SPRED2: variants seen among roughly 807,000 people sequenced by gnomAD.
The protein encoded by SPRED2 is sprouty-related, EVH1 domain-containing protein 2.
In SPRED2, 47 loss-of-function variants were observed where a neutral mutation model predicts 43.0. That is an observed-to-expected ratio of 1.09 (90% CI 0.87 to 1.40). SPRED2 has a LOEUF of 1.40. Among genes scored for constraint, SPRED2 ranks in the 40% most tolerant of loss-of-function variants. The pLI is 0.00. For synonymous variants in SPRED2, 225 were observed against 225.7 expected (o/e 1.00, Z 0.03); for missense variants, 561 against 586.4 (o/e 0.96, Z 0.45).
chr2:65,418,526 A>ATTTC (rs1215079630), intron 1 of SPRED2, among the ~76,000 whole-genome samples: 2 of 151,390 alleles, frequency 1.3e-5, no homozygotes, highest in Admixed American at 6.6e-5. Flanking sequence ...AGTGATAAAT[A>ATTTC]TTTCTTTCTT....
intron 2 of SPRED2, among the ~76,000 whole-genome samples, chr2:65,342,802 A>T (rs1674232990): frequency 6.6e-6 from 1 of 152,194 alleles, no homozygotes; most frequent in African/African-American, 2.4e-5. Context: ...AGGCAAAATA[A>T]ATAAGATACA....
At chr2:65,428,243 T>C (rs904884134) in intron 1 of SPRED2, among the ~76,000 whole-genome samples, 27 of 152,214 alleles carry the variant, frequency 1.8e-4, no homozygotes, top group African/African-American at 5.1e-4. Flanking sequence ...TCACAGCAGC[T>C]CCACAAAATA....
At chr2:65,341,394 G>T (rs1318516792) in intron 2 of SPRED2, among the ~76,000 whole-genome samples, 1 of 152,094 alleles carries the variant, frequency 6.6e-6, no homozygotes, top group Non-Finnish European at 1.5e-5. Flanking sequence ...ACACTTTTAG[G>T]ATAGTGCAAT....
intron 1 of SPRED2, among the ~76,000 whole-genome samples, chr2:65,390,289 C>A (rs1223635474): frequency 6.6e-6 from 1 of 152,192 alleles, no homozygotes; most frequent in Non-Finnish European, 1.5e-5. Context: ...AACTCTATCA[C>A]CAGAGAACAG....
intron 1 of SPRED2, among the ~76,000 whole-genome samples, chr2:65,373,403 A>T (rs970220099): frequency 6.6e-6 from 1 of 152,230 alleles, no homozygotes; most frequent in Non-Finnish European, 1.5e-5. Flanking sequence ...TATGTCCCTG[A>T]TGCTGGATCT....
At chr2:65,350,695 G>C (rs58440325) in intron 1 of SPRED2, among the ~76,000 whole-genome samples, 5,187 of 152,234 alleles carry the variant, frequency 0.034, 302 homozygotes, top group African/African-American at 0.12. Flanking sequence ...GGAAGGCAGA[G>C]AAAAAAATCT....
At chr2:65,406,631 T>C (rs977864351) in intron 1 of SPRED2, among the ~76,000 whole-genome samples, 3 of 152,098 alleles carry the variant, frequency 2.0e-5, no homozygotes, top group East Asian at 1.9e-4. Context: ...AAATGGAAGG[T>C]TGGGGGCAGA....
intron 4 of SPRED2, among the ~76,000 whole-genome samples, chr2:65,331,318 A>C (rs1306504258): frequency 6.6e-6 from 1 of 152,256 alleles, no homozygotes; most frequent in Non-Finnish European, 1.5e-5. Flanking sequence ...TGCTCTAAGC[A>C]CACAGCAGGC....
chr2:65,322,270 C>A (rs10180244), intron 4 of SPRED2, among the ~76,000 whole-genome samples: 8,054 of 35,028 alleles, frequency 0.23, 639 homozygotes, highest in African/African-American at 0.25. Context: ...CTCTCTCTCT[C>A]TATATATATA....
intron 1 of SPRED2, among the ~76,000 whole-genome samples, chr2:65,387,567 G>A (rs1675529312): frequency 6.6e-6 from 1 of 152,010 alleles, no homozygotes; most frequent in Non-Finnish European, 1.5e-5. Context: ...AAGTAACTAG[G>A]GCCTACATTG....
In SPRED2 at chr2:65,432,049, C is replaced by T; in HGVS notation, c.-62G>A. The T allele has an allele frequency of 6.2e-7, 1 of 1,606,230 alleles. No homozygotes were observed. The highest frequency in any genetic ancestry group is 8.5e-7 in the Non-Finnish European group (1 of 1,174,778). ...AGCTTTGCTCCCTTCATCTTCCTGT[C>T]CGCTCGCCCCCCTTCTTCACATCTC... On this transcript the variant is annotated 5_prime_UTR_variant, in exon 1 of 6. Coordinates refer to ENST00000356388, the MANE Select transcript of SPRED2 (RefSeq NM_181784.3).
At chr2:65,395,794 C>G (rs1250140200) in intron 1 of SPRED2, among the ~76,000 whole-genome samples, 2 of 152,132 alleles carry the variant, frequency 1.3e-5, no homozygotes, top group African/African-American at 4.8e-5. Flanking sequence ...GCAGTTACTG[C>G]TGGAAGTCCT....
Position 65,312,964 on chromosome 2 carries a change from A to G in SPRED2, c.*537T>C. On this transcript the variant is annotated 3_prime_UTR_variant, in exon 6 of 6. Coordinates refer to ENST00000356388, the MANE Select transcript of SPRED2 (RefSeq NM_181784.3). The stretch of plus-strand genomic sequence containing the variant: ...TTGTTAACTAGCTCACCTCCTATAC[A>G]TAATAACTGACTGCAGGCTGAGATA... 2 of 985,812 alleles carry G rather than the reference A, an allele frequency of 2.0e-6. No individual in the cohort carries two copies. The highest frequency in any genetic ancestry group is 1.2e-6 in the Non-Finnish European group (1 of 830,098). 61.1% of individuals were successfully genotyped at this position (985,812 alleles called of 1,614,324 possible).
At chr2:65,418,032 C>G (rs1676328422) in intron 1 of SPRED2, among the ~76,000 whole-genome samples, 1 of 152,230 alleles carries the variant, frequency 6.6e-6, no homozygotes, top group Admixed American at 6.5e-5. Flanking sequence ...ACAACTATCT[C>G]TTCACAATAT....
At chr2:65,344,550 A>C (rs1472516439) in intron 2 of SPRED2, 169 bp downstream of exon 2, 5 of 816,776 alleles carry the variant, frequency 6.1e-6, no homozygotes, top group Non-Finnish European at 1.0e-5. Flanking sequence ...AAGGACAGTC[A>C]CGTTTTACAA....
intron 1 of SPRED2, among the ~76,000 whole-genome samples, chr2:65,385,625 T>C (rs764002374): frequency 2.0e-5 from 3 of 151,954 alleles, no homozygotes; most frequent in Non-Finnish European, 4.4e-5. Context: ...AGGAAGAAGG[T>C]CATCTGATGT....
chr2:65,430,891 G>T (rs1222463125), intron 1 of SPRED2, among the ~76,000 whole-genome samples: 1 of 151,996 alleles, frequency 6.6e-6, no homozygotes, highest in African/African-American at 2.4e-5. Flanking sequence ...GGCTGGTGGC[G>T]GGCACAGCCA....
At chr2:65,346,056 AAGAACCCCCAT>A (rs1003429601) in intron 1 of SPRED2, among the ~76,000 whole-genome samples, 8 of 152,202 alleles carry the variant, frequency 5.3e-5, no homozygotes, top group Admixed American at 3.9e-4. Flanking sequence ...CAGAGTAACA[AAGAACCCCCAT>A]TATTCCCTGG....
At chr2:65,385,823 C>G (rs1450343071) in intron 1 of SPRED2, among the ~76,000 whole-genome samples, 2 of 152,144 alleles carry the variant, frequency 1.3e-5, no homozygotes, top group Non-Finnish European at 2.9e-5. Flanking sequence ...ATCCCCACTC[C>G]CCTAATAAAT....
Sources: allele counts gnomAD v4.1 joint callset (sites outside exome capture counted in the v4.1 genomes callset), GRCh38; gene constraint gnomAD v4.1.1; transcripts MANE v1.5; gene names NCBI Gene and HGNC (gene_info 2026-07-23, HGNC 2026-07-21).